Variants in EPM2A observed in about 807,000 individuals in gnomAD.
EPM2A encodes laforin.
In EPM2A, 21 loss-of-function variants were observed where a neutral mutation model predicts 26.5. The ratio of observed to expected loss-of-function variants is 0.79; its 90% CI spans 0.56 to 1.14. The LOEUF (loss-of-function observed/expected upper bound fraction) is 1.14, where lower values mean the gene tolerates loss of function less well. Among genes scored for constraint, EPM2A ranks in the 50% most tolerant of loss-of-function variants. The pLI, the probability that EPM2A is intolerant of heterozygous loss-of-function variation, is 0.00. For missense variants in EPM2A, 458 were observed against 440.8 expected (o/e 1.04, Z -0.35); for synonymous variants, 217 against 177.6 (o/e 1.22, Z -1.76).
At chr6:145,600,365 A>T (rs1288945233) in intron 2 of EPM2A, among the ~76,000 whole-genome samples, 1 of 152,148 alleles carries the variant, frequency 6.6e-6, no homozygotes, top group Non-Finnish European at 1.5e-5. Flanking sequence ...CCCTACATAC[A>T]ATGATAGCAG....
At chr6:145,431,132 GAGAT>G (rs1778916982) in intron 4 of EPM2A, among the ~76,000 whole-genome samples, 1 of 152,164 alleles carries the variant, frequency 6.6e-6, no homozygotes, top group Non-Finnish European at 1.5e-5. Flanking sequence ...CAACAGCAGA[GAGAT>G]AGAAAATAAT....
intron 2 of EPM2A, among the ~76,000 whole-genome samples, chr6:145,561,903 G>T (rs1489448755): frequency 2.0e-5 from 3 of 152,070 alleles, no homozygotes; most frequent in African/African-American, 7.2e-5. Flanking sequence ...CAGTCGGTGG[G>T]TGGAGGGCAA....
chr6:145,521,744 T>C (rs142556310), intron 2 of EPM2A, among the ~76,000 whole-genome samples: 195 of 152,236 alleles, frequency 1.3e-3, no homozygotes, highest in African/African-American at 4.4e-3. Flanking sequence ...CTAGAGGGAA[T>C]GAGCTGGAAA....
chr6:145,441,678 A>T (rs1779065011), intron 4 of EPM2A, among the ~76,000 whole-genome samples: 4 of 152,078 alleles, frequency 2.6e-5, no homozygotes, highest in Admixed American at 2.6e-4. Flanking sequence ...AGCCTGGTCA[A>T]CAGTAAAACC....
rs114470330 is a variant in EPM2A, at chr6:145,582,514, A to C, written c.340+52731T>G. Among the ~76,000 whole-genome samples the C allele has an allele frequency of 2.6e-3, 396 of 152,304 alleles. 6 individuals carry two copies. Among genetic ancestry groups the C allele is most frequent in the African/African-American group, 9.1e-3 (378 of 41,556 alleles). On this transcript the variant is annotated intron_variant, in intron 2 of 3. Transcript: ENST00000450221. ...CTTCTGACTTGTAGGATTTCTGCTA[A>C]ATGGTCCACTTTAGCCTAATGGGGT...
intron 4 of EPM2A, among the ~76,000 whole-genome samples, chr6:145,451,537 A>T (rs1779195311): frequency 6.6e-6 from 1 of 152,242 alleles, no homozygotes; most frequent in Non-Finnish European, 1.5e-5. Context: ...ATGTGTAGTC[A>T]GATTTTCTTT....
At chr6:145,410,179 A>G (rs1464855152) in intron 4 of EPM2A, among the ~76,000 whole-genome samples, 1 of 152,194 alleles carries the variant, frequency 6.6e-6, no homozygotes, top group Non-Finnish European at 1.5e-5. Context: ...AGCTAAATCA[A>G]TGTTGCTCGA....
chr6:145,508,031 G>A (rs1288488675), intron 2 of EPM2A, among the ~76,000 whole-genome samples: 1 of 152,186 alleles, frequency 6.6e-6, no homozygotes, highest in African/African-American at 2.4e-5. Context: ...AGGGAGAGAG[G>A]TGCATAGCCT....
intron 4 of EPM2A, among the ~76,000 whole-genome samples, chr6:145,446,351 T>C (rs1347929483): frequency 6.6e-6 from 1 of 152,244 alleles, no homozygotes; most frequent in African/African-American, 2.4e-5. Context: ...GTAGCAAAAG[T>C]AACTGAAACA....
In EPM2A at chr6:145,435,027, C is replaced by T. The variant is rs76932435; in HGVS notation, c.556-50930G>A. On this transcript the variant is annotated intron_variant, in intron 4 of 4. Transcript: ENST00000638717. ...ATGTGATGTGCCTACTCTGGTCCCA[C>T]CTTCCACCATAAGTAAAAGCTCCCT... 3.1e-3 allele frequency among the ~76,000 whole-genome samples: 474 copies of T among 152,296 alleles called. 10 individuals are homozygous for T. In the East Asian group the frequency reaches 0.053, roughly 17 times the overall value.
chr6:145,393,147 C>G (rs1437636313), intron 4 of EPM2A, among the ~76,000 whole-genome samples: 2 of 152,072 alleles, frequency 1.3e-5, no homozygotes, highest in African/African-American at 2.4e-5. Context: ...ATGATTCTGG[C>G]TGGACTCTAA....
At chr6:145,676,920 C>T (rs1780088777) in intron 2 of EPM2A, among the ~76,000 whole-genome samples, 2 of 152,174 alleles carry the variant, frequency 1.3e-5, no homozygotes, top group African/African-American at 2.4e-5. Context: ...TCCTCCATAA[C>T]TCATTTTATG....
chr6:145,479,700 T>C (rs1183084878), intron 4 of EPM2A, among the ~76,000 whole-genome samples: 5 of 152,098 alleles, frequency 3.3e-5, no homozygotes, highest in Admixed American at 3.3e-4. Flanking sequence ...CTATTGTAAA[T>C]AATGTTGCAA....
At chr6:145,396,402 A>AC (rs967389104) in intron 4 of EPM2A, among the ~76,000 whole-genome samples, 1 of 152,234 alleles carries the variant, frequency 6.6e-6, no homozygotes, top group Middle Eastern at 3.4e-3. Context: ...TGTTCTTTAA[A>AC]CCCCCAGACA....
intron 4 of EPM2A, among the ~76,000 whole-genome samples, chr6:145,410,625 A>C (rs1037485885): frequency 6.6e-6 from 1 of 152,222 alleles, no homozygotes; most frequent in Non-Finnish European, 1.5e-5. Context: ...CTAGTTATGG[A>C]CAATGCCCGA....
At chr6:145,402,767 C>A (rs1778507979) in intron 4 of EPM2A, among the ~76,000 whole-genome samples, 2 of 152,092 alleles carry the variant, frequency 1.3e-5, no homozygotes, top group Non-Finnish European at 1.5e-5. Context: ...TCTTGAAACT[C>A]CTCTGTAAGT....
chr6:145,663,204 T>C lies in EPM2A; in HGVS notation c.476+22918A>G, dbSNP rs941433288. Among the ~76,000 whole-genome samples the C allele has an allele frequency of 5.9e-5, 9 of 152,132 alleles. No individual in the cohort carries two copies. In the East Asian group the frequency reaches 1.3e-3, roughly 23 times the overall value. On this transcript the variant is annotated intron_variant, in intron 2 of 3. Transcript: ENST00000367519. Reference sequence around the variant, plus strand: ...AGTAAACATGTCCAACTGGGGGGTATAGCAATGGAAATGATAGCAAATACA... The same window carrying C: ...AGTAAACATGTCCAACTGGGGGGTACAGCAATGGAAATGATAGCAAATACA...
At chr6:145,453,092 T>C (rs1453504206) in intron 4 of EPM2A, among the ~76,000 whole-genome samples, 1 of 152,222 alleles carries the variant, frequency 6.6e-6, no homozygotes. Flanking sequence ...CAAAGTCTCA[T>C]ACCTTTGAAG....
rs1780876832 is a variant in EPM2A, at chr6:145,565,787, G to A, written c.341-63212C>T. Among the ~76,000 whole-genome samples, 5 of 152,232 alleles carry A rather than the reference G, an allele frequency of 3.3e-5. No homozygotes were observed. The South Asian group carries it at 1.0e-3, about 32-fold the overall frequency. On this transcript the variant is annotated intron_variant, in intron 2 of 3. Transcript: ENST00000450221. ...CTATCCAACTTCCTTATCCCTGAGG[G>A]GCTCTGGAAGGTCAGAGCAGGTGAG...
Sources: allele counts gnomAD v4.1 joint callset (sites outside exome capture counted in the v4.1 genomes callset), GRCh38; gene constraint gnomAD v4.1.1; transcripts MANE v1.5; gene names NCBI Gene and HGNC (gene_info 2026-07-23, HGNC 2026-07-21).